The following SLA2 variants were observed in gnomAD, a reference collection of about 807,000 sequenced individuals.
SLA2 encodes Src like adaptor 2.
SLA2 carries 22 observed loss-of-function variants against 27.3 expected under a neutral mutation model. That is an observed-to-expected ratio of 0.81 (90% confidence interval 0.58 to 1.15). SLA2 has a LOEUF of 1.15. SLA2 is among the 50% of genes most tolerant of loss of function. SLA2 has a pLI of 0.00. For synonymous variants in SLA2, 131 were observed against 137.8 expected (o/e 0.95, Z 0.34); for missense variants, 304 against 322.2 (o/e 0.94, Z 0.43).
rs1467547578 is a variant in SLA2, at chr20:36,613,335, A to T, written c.*531T>A. ...TCACATAGAGCCTGGACCATCCAAG[A>T]TCTGCTGCTACGGTAAGACATCATC... is the stretch of plus-strand genomic sequence containing the variant. On this transcript the variant is annotated 3_prime_UTR_variant, in exon 8 of 8. Transcript: ENST00000262866. The T allele has an allele frequency of 3.3e-5, 5 of 153,174 alleles. No individual in the cohort carries two copies. The highest frequency in any genetic ancestry group is 1.2e-4 in the African/African-American group (5 of 41,474). 9.5% of individuals were successfully genotyped at this position (153,174 alleles called of 1,614,324 possible).
chr20:36,626,657 C>T (rs1260860061), intron 5 of SLA2, among the ~76,000 whole-genome samples: 1 of 151,624 alleles, frequency 6.6e-6, no homozygotes, highest in East Asian at 1.9e-4. Context: ...ACCATCCTGG[C>T]TAACATGGTG....
chr20:36,645,401 A>G (rs1978287203), intron 1 of SLA2, among the ~76,000 whole-genome samples: 1 of 152,028 alleles, frequency 6.6e-6, no homozygotes, highest in Non-Finnish European at 1.5e-5. Flanking sequence ...AGTTAAAGGG[A>G]GACCTCTCCC....
At chr20:36,641,575 C>CT (rs1287831945) in intron 1 of SLA2, among the ~76,000 whole-genome samples, 197 bp from the exon 2 acceptor site, 3 of 152,118 alleles carry the variant, frequency 2.0e-5, no homozygotes, top group African/African-American at 7.2e-5. Context: ...CACATCTCAT[C>CT]TTTTTTATGC....
At chr20:36,630,914 AG>A (rs1349175041) in intron 5 of SLA2, among the ~76,000 whole-genome samples, 1 of 152,160 alleles carries the variant, frequency 6.6e-6, no homozygotes, top group Non-Finnish European at 1.5e-5. Context: ...CAGTCTGTAC[AG>A]TGGAGCGAGG....
At chr20:36,619,535 A>G (rs944858066) in intron 5 of SLA2, among the ~76,000 whole-genome samples, 5 of 151,754 alleles carry the variant, frequency 3.3e-5, no homozygotes, top group South Asian at 2.1e-4. Context: ...CAAAAAAAAA[A>G]TTGGAGAGAC....
At position 36,622,126 on chromosome 20, in the gene SLA2, C is replaced by A. The variant is rs2039289523; in HGVS notation, c.383-6752G>T. On this transcript the variant is annotated intron_variant, in intron 5 of 7. Coordinates refer to ENST00000262866, the MANE Select transcript of SLA2 (RefSeq NM_032214.4). ...CCTGAGGCCAGGAGTTCAAGACCAG[C>A]CTGGCCAACCCATGGTGGAAGTTGC... 1.3e-5 allele frequency among the ~76,000 whole-genome samples: 2 copies of A among 151,568 alleles called. 1 individual carries two copies. The highest frequency in any genetic ancestry group is 4.2e-4 in the South Asian group (2 of 4,804).
chr20:36,627,303 G>A (rs1300726437), intron 5 of SLA2, among the ~76,000 whole-genome samples: 1 of 152,158 alleles, frequency 6.6e-6, no homozygotes, highest in African/African-American at 2.4e-5. Flanking sequence ...GGACCTCTGG[G>A]GTCAGGTATT....
chr20:36,631,243 CCTGGA>C (rs1216954352), intron 5 of SLA2, among the ~76,000 whole-genome samples: 1 of 152,096 alleles, frequency 6.6e-6, no homozygotes, highest in African/African-American at 2.4e-5. Flanking sequence ...CCCTGGAACT[CCTGGA>C]CTTAAGTGAT....
In SLA2 at chr20:36,612,782, G is replaced by T. The variant is rs2039155150; in HGVS notation, c.*1084C>A. On this transcript the variant is annotated 3_prime_UTR_variant, in exon 8 of 8. Transcript: ENST00000262866. Reference sequence around the variant, plus strand: ...CTTGGCATTGTGGAGAGAGGGCTTAGCACCTTCTGATGCCCCTGCCCAGCA... The same window carrying T: ...CTTGGCATTGTGGAGAGAGGGCTTATCACCTTCTGATGCCCCTGCCCAGCA... 5.7e-6 allele frequency: 1 copy of T among 176,208 alleles called. No homozygotes were observed. Among genetic ancestry groups the T allele is most frequent in the Non-Finnish European group, 1.2e-5 (1 of 80,670 alleles). 10.9% of individuals were successfully genotyped at this position (176,208 alleles called of 1,614,324 possible). A position where few individuals can be genotyped will look rare whatever the true frequency, so the allele number is the denominator to read the frequency against.
chr20:36,616,011 G>C (rs1463618282), intron 5 of SLA2, among the ~76,000 whole-genome samples: 1 of 152,182 alleles, frequency 6.6e-6, no homozygotes, highest in African/African-American at 2.4e-5. Context: ...GGAAATCTTG[G>C]AAATTAAGCA....
At chr20:36,623,655 A>T (rs998699492) in intron 5 of SLA2, among the ~76,000 whole-genome samples, 3 of 147,696 alleles carry the variant, frequency 2.0e-5, no homozygotes, top group African/African-American at 7.5e-5. Context: ...TTGTACCTTT[A>T]TTTTTTTTTT....
chr20:36,616,942 T>C (rs2039219385), intron 5 of SLA2, among the ~76,000 whole-genome samples: 1 of 151,956 alleles, frequency 6.6e-6, no homozygotes, highest in Admixed American at 6.6e-5. Context: ...CCGAGCTACT[T>C]GGAAGGCTAA....
chr20:36,626,929 G>A (rs1417330352), intron 5 of SLA2, among the ~76,000 whole-genome samples: 1 of 150,868 alleles, frequency 6.6e-6, no homozygotes, highest in Non-Finnish European at 1.5e-5. Flanking sequence ...TGGGAGTTGA[G>A]AACAAAAATT....
At chr20:36,614,495 G>T in intron 6 of SLA2, 58 bp from the exon 7 acceptor site, 1 of 1,539,340 alleles carries the variant, frequency 6.5e-7, no homozygotes, top group Non-Finnish European at 8.7e-7. Flanking sequence ...CTCCCCAACA[G>T]CCCTCACCCT....
chr20:36,615,238 C>T lies in SLA2; in HGVS notation c.519G>A (p.Val173=), dbSNP rs2039194722. Residue 173 remains valine, a synonymous_variant, in exon 6 of 8, where the codon GTG becomes GTA. Coordinates refer to ENST00000262866, the MANE Select transcript of SLA2 (RefSeq NM_032214.4). The stretch of plus-strand genomic sequence containing the variant: ...GAAAGGCCATACCAGAGTAATGGTC[C>T]ACCAGGGCCTGGAGTGAGGGGAAGG... ...RLTFPSLQAL[V]DHYSELADDI... is the part of the protein sequence containing the mutation. 8.7e-6 allele frequency: 14 copies of T among 1,614,132 alleles called. No individual in the cohort carries two copies. Among genetic ancestry groups the T allele is most frequent in the Non-Finnish European group, 1.2e-5 (14 of 1,180,032 alleles).
chr20:36,642,751 G>A (rs112611537), intron 1 of SLA2, among the ~76,000 whole-genome samples: 1 of 152,082 alleles, frequency 6.6e-6, no homozygotes, highest in African/African-American at 2.4e-5. Flanking sequence ...ACGCCTGGCC[G>A]ATTTTGTATT....
intron 5 of SLA2, chr20:36,621,512 G>A (rs1225106596): frequency 7.9e-5 from 22 of 279,754 alleles, no homozygotes; most frequent in Non-Finnish European, 1.1e-4. Flanking sequence ...CGCGATCTCG[G>A]CTCACTGCAG....
chr20:36,632,716 A>G lies in SLA2; in HGVS notation c.279-18T>C, dbSNP rs1452381814. On this transcript the variant is annotated intron_variant, in intron 4 of 7. Coordinates refer to ENST00000262866, the MANE Select transcript of SLA2 (RefSeq NM_032214.4). ...ACAGCCACCTGGCGGAGCGAAAGAGAGGGACAAGGGACAGGGTCAGCCTGG... is the reference window on the plus strand; with the variant it reads ...ACAGCCACCTGGCGGAGCGAAAGAGGGGGACAAGGGACAGGGTCAGCCTGG... 6.2e-7 allele frequency: 1 copy of G among 1,601,554 alleles called. No homozygotes were observed. The highest frequency in any genetic ancestry group is 2.2e-5 in the East Asian group (1 of 44,708).
Position 36,612,523 on chromosome 20 carries a change from C to CACAT in SLA2, c.*1339_*1342dup, listed in dbSNP as rs1216201591. The CACAT allele has an allele frequency of 1.9e-5, 8 of 412,750 alleles. No homozygotes were observed. The highest frequency in any genetic ancestry group is 6.0e-5 in the African/African-American group (3 of 49,926). 25.6% of individuals were successfully genotyped at this position (412,750 alleles called of 1,614,324 possible). On this transcript the variant is annotated 3_prime_UTR_variant, in exon 8 of 8. Transcript: ENST00000262866. ...AAGAGTTTCCATTGTAGAATGTTTT[C>CACAT]ACATACTTGAATAAATCAAATCTTT...
Sources: allele counts gnomAD v4.1 joint callset (sites outside exome capture counted in the v4.1 genomes callset), GRCh38; gene constraint gnomAD v4.1.1; transcripts MANE v1.5; gene names NCBI Gene and HGNC (gene_info 2026-07-23, HGNC 2026-07-21).